Variants in LINGO2 observed in about 807,000 individuals in gnomAD.
LINGO2 encodes leucine rich repeat and Ig domain containing 2.
Under a neutral mutation model 30.6 loss-of-function variants are expected in LINGO2, and 14 were observed. That is an observed-to-expected ratio of 0.46 (90% CI 0.30 to 0.72). The LOEUF (loss-of-function observed/expected upper bound fraction) is 0.72. Among genes scored for constraint, LINGO2 ranks in the 30% least tolerant of loss-of-function variants. The probability of loss-of-function intolerance (pLI) is 0.07; values close to 1 mark genes in which losing one functional copy is unlikely to be tolerated. For synonymous variants in LINGO2, 317 were observed against 288.5 expected, an observed-to-expected ratio of 1.10 and a Z score of -1.00; for missense variants, 729 against 751.7, an observed-to-expected ratio of 0.97 and a Z score of 0.35.
the LINGO2 span, among the ~76,000 whole-genome samples, chr9:28,681,982 T>C: frequency 3.4e-3 from 517 of 152,070 alleles, 3 homozygotes; most frequent in African/African-American, 0.012. Context: ...TTCAGAGAGG[T>C]AGAGTGACTT....
chr9:28,982,911 G>A, the LINGO2 span, among the ~76,000 whole-genome samples: 2 of 151,752 alleles, frequency 1.3e-5, no homozygotes, highest in East Asian at 3.9e-4. Flanking sequence ...TAGCTGAAAT[G>A]TATCTCCATT....
At chr9:28,493,259 C>T (rs535505707) in intron 1 of LINGO2, among the ~76,000 whole-genome samples, 1 of 152,240 alleles carries the variant, frequency 6.6e-6, no homozygotes, top group East Asian at 1.9e-4. Context: ...ATACTTCCAC[C>T]TACATTTCTT....
At chr9:28,296,341 A>G (rs72617317) in intron 3 of LINGO2, among the ~76,000 whole-genome samples, 8,558 of 152,208 alleles carry the variant, frequency 0.056, 311 homozygotes, top group East Asian at 0.19. Flanking sequence ...TATAACAACC[A>G]TATTTAGTAA....
At chr9:28,922,326 C>T in the LINGO2 span, among the ~76,000 whole-genome samples, 3 of 151,986 alleles carry the variant, frequency 2.0e-5, no homozygotes, top group Middle Eastern at 3.2e-3. Flanking sequence ...CCATTGTCTC[C>T]GCATGCATTG....
At chr9:28,780,987 C>G in the LINGO2 span, among the ~76,000 whole-genome samples, 3 of 151,886 alleles carry the variant, frequency 2.0e-5, no homozygotes, top group Non-Finnish European at 4.4e-5. Flanking sequence ...TTTCAAAAAT[C>G]TAATCTGTAA....
chr9:28,749,230 C>T, the LINGO2 span, among the ~76,000 whole-genome samples: 1 of 151,940 alleles, frequency 6.6e-6, no homozygotes, highest in Admixed American at 6.6e-5. Context: ...GTTCAGATAT[C>T]TCTTAGCAAA....
In LINGO2 at chr9:28,562,457, CAAAAAA is replaced by C. The variant is rs56998877; in HGVS notation, c.-364-86438_-364-86433del. 1.0e-4 allele frequency among the ~76,000 whole-genome samples: 11 copies of C among 109,186 alleles called. No individual in the cohort carries two copies. The South Asian group carries it at 1.1e-3, about 10-fold the overall frequency. The allele number at this position is 109,186 out of a possible 152,430, so 71.6% of individuals were successfully genotyped here. ...GAAATAAGCAATGTGCATTTACTTT[CAAAAAA>C]AAAAAAAAAAAACAGAAAAAACAAA... On this transcript the variant is annotated intron_variant, in intron 1 of 5. Coordinates refer to ENST00000379992, the Ensembl canonical transcript of LINGO2.
intron 4 of LINGO2, among the ~76,000 whole-genome samples, chr9:28,213,341 T>G (rs989412193): frequency 6.6e-6 from 1 of 151,450 alleles, no homozygotes; most frequent in African/African-American, 2.4e-5. Flanking sequence ...GATGGTATTC[T>G]GATGTATTGA....
the LINGO2 span, among the ~76,000 whole-genome samples, chr9:28,855,788 A>C: frequency 6.6e-6 from 1 of 151,972 alleles, no homozygotes; most frequent in Non-Finnish European, 1.5e-5. Flanking sequence ...AAAGCAATCT[A>C]TTGAGTCTCC....
chr9:28,479,854 T>TGC (rs1564228010), intron 1 of LINGO2, among the ~76,000 whole-genome samples: 40 of 59,900 alleles, frequency 6.7e-4, no homozygotes, highest in African/African-American at 2.0e-3. Flanking sequence ...TCTGTGTGTG[T>TGC]GTGTGTGTGT....
At chr9:28,107,804 G>C (rs1470832833) in intron 4 of LINGO2, among the ~76,000 whole-genome samples, 2 of 152,044 alleles carry the variant, frequency 1.3e-5, no homozygotes, top group Non-Finnish European at 2.9e-5. Flanking sequence ...TGCATTTTTT[G>C]AGATATAAAA....
At chr9:28,687,860 A>G in the LINGO2 span, among the ~76,000 whole-genome samples, 1 of 152,130 alleles carries the variant, frequency 6.6e-6, no homozygotes, top group East Asian at 1.9e-4. Context: ...GCTATACAGT[A>G]ACATAGTTTC....
the LINGO2 span, among the ~76,000 whole-genome samples, chr9:29,080,605 A>G: frequency 8.5e-5 from 13 of 152,108 alleles, no homozygotes; most frequent in South Asian, 4.1e-4. Context: ...CCCTCTAAAC[A>G]TTGCTTTGAA....
chr9:29,072,419 A>G, the LINGO2 span, among the ~76,000 whole-genome samples: 137 of 152,078 alleles, frequency 9.0e-4, 1 homozygote, highest in African/African-American at 3.3e-3. Flanking sequence ...TGATGGATGC[A>G]CACAACTCAG....
chr9:27,943,112 T>C (rs1185287697), downstream of LINGO2: 2 of 152,176 alleles, frequency 1.3e-5, no homozygotes, highest in African/African-American at 4.8e-5. Context: ...CTGTTTATTA[T>C]TTATCTTATA....
chr9:28,881,789 C>T, the LINGO2 span, among the ~76,000 whole-genome samples: 1 of 152,166 alleles, frequency 6.6e-6, no homozygotes. Flanking sequence ...TCCTGATCTT[C>T]TCCCTTCTAC....
chr9:28,628,489 G>A (rs987864001), intron 1 of LINGO2, among the ~76,000 whole-genome samples: 1 of 152,016 alleles, frequency 6.6e-6, no homozygotes, highest in Non-Finnish European at 1.5e-5. Flanking sequence ...TTACAGAGAA[G>A]GTTCCTCAGT....
chr9:28,003,650 A>C (rs1164558484), intron 5 of LINGO2, among the ~76,000 whole-genome samples: 1 of 152,064 alleles, frequency 6.6e-6, no homozygotes, highest in Non-Finnish European at 1.5e-5. Context: ...TTTAGTAGAA[A>C]CGGGGTTTCA....
intron 4 of LINGO2, among the ~76,000 whole-genome samples, chr9:28,144,780 A>G (rs1257511619): frequency 6.6e-6 from 1 of 152,232 alleles, no homozygotes; most frequent in Non-Finnish European, 1.5e-5. Context: ...AACCAAAATA[A>G]CAAAGACTAA....
Sources: allele counts gnomAD v4.1 joint callset (sites outside exome capture counted in the v4.1 genomes callset), GRCh38; gene constraint gnomAD v4.1.1; transcripts MANE v1.5; gene names NCBI Gene and HGNC (gene_info 2026-07-23, HGNC 2026-07-21).